CEP43: variants seen among roughly 807,000 people sequenced by gnomAD.
The protein encoded by CEP43 is centrosomal protein 43, also known as FGFR1 oncogene partner.
In CEP43, 36 loss-of-function variants were observed where a neutral mutation model predicts 52.6. That is an observed-to-expected ratio of 0.68 (90% CI 0.52 to 0.90). The LOEUF (loss-of-function observed/expected upper bound fraction) is 0.90, where lower values mean the gene tolerates loss of function less well. Among genes scored for constraint, CEP43 ranks in the 40% least tolerant of loss-of-function variants. CEP43 has a pLI of 0.00. For synonymous variants in CEP43, 192 were observed against 172.4 expected (o/e 1.11, Z -0.89); for missense variants, 506 against 472.8 (o/e 1.07, Z -0.65).
intron 5 of CEP43, among the ~76,000 whole-genome samples, chr6:167,009,084 G>A (rs898057411): frequency 6.7e-6 from 1 of 149,598 alleles, no homozygotes; most frequent in Non-Finnish European, 1.5e-5. Context: ...GTGAAACCCC[G>A]TCTCTATTAA....
intron 3 of CEP43, 79 bp from the exon 4 acceptor site, chr6:167,003,644 T>C: frequency 1.3e-6 from 1 of 785,708 alleles, no homozygotes; most frequent in Non-Finnish European, 2.1e-6. Flanking sequence ...ATTAATTTAG[T>C]GTATCTATTT....
intron 7 of CEP43, among the ~76,000 whole-genome samples, chr6:167,020,870 C>G (rs945311104): frequency 6.9e-6 from 1 of 144,200 alleles, no homozygotes. Context: ...GATTGCCCCA[C>G]TGCACTCCAG....
Position 167,033,159 on chromosome 6 carries a change from G to A in CEP43, c.1028+517G>A, listed in dbSNP as rs1177467352. ...AGAGTCTCACTCTGTTGCCCACGCT[G>A]GAGTGCAGTGGTGCGATCTGGGCTC... On this transcript the variant is annotated intron_variant, in intron 11 of 12. Coordinates refer to ENST00000366847, the MANE Select transcript of CEP43 (RefSeq NM_007045.4). 2.3e-5 allele frequency among the ~76,000 whole-genome samples: 3 copies of A among 129,570 alleles called. No homozygotes were observed. The East Asian group carries it at 7.2e-4, about 31-fold the overall frequency. The allele number at this position is 129,570 out of a possible 152,430, so 85.0% of individuals were successfully genotyped here.
rs1034595829 is a variant in CEP43 at position 167,046,454 on chromosome 6, G to A, written c.*6476G>A. On this transcript the variant is annotated 3_prime_UTR_variant, in exon 13 of 13. Coordinates refer to ENST00000366847, the MANE Select transcript of CEP43 (RefSeq NM_007045.4). ...TGTTCCTGCAAACCTAAACCTCTTT[G>A]TAGTAAGTTCTGGCAGAAGGTGTGT... 7 of 152,238 alleles carry A rather than the reference G, an allele frequency of 4.6e-5. No homozygotes were observed. Among genetic ancestry groups the A allele is most frequent in the Admixed American group, 2.6e-4 (4 of 15,282 alleles). The allele number at this position is 152,238 out of a possible 1,614,324, so 9.4% of individuals were successfully genotyped here.
intron 6 of CEP43, among the ~76,000 whole-genome samples, chr6:167,012,785 G>C (rs979435240): frequency 3.3e-5 from 5 of 152,110 alleles, no homozygotes; most frequent in Admixed American, 1.3e-4. Flanking sequence ...TCCAGAGAAG[G>C]GGGGACTGTC....
Position 167,041,893 on chromosome 6 carries a change from G to C in CEP43, c.*1915G>C, listed in dbSNP as rs562534895. 2 of 767,970 alleles carry C rather than the reference G, an allele frequency of 2.6e-6. No homozygotes were observed. Among genetic ancestry groups the C allele is most frequent in the Non-Finnish European group, 3.2e-6 (2 of 624,230 alleles). The allele number at this position is 767,970 out of a possible 1,614,324, so 47.6% of individuals were successfully genotyped here. A position where few individuals can be genotyped will look rare whatever the true frequency, so the allele number is the denominator to read the frequency against. ...GACTGGAGTACAGTGATGCGATCTC[G>C]GCTCACTGCAACCTCCGCCTCCTGG... On this transcript the variant is annotated 3_prime_UTR_variant, in exon 13 of 13. Transcript: ENST00000366847.
intron 1 of CEP43, 179 bp from the exon 2 acceptor site, chr6:166,999,881 A>C (rs1272891788): frequency 3.4e-6 from 2 of 582,080 alleles, no homozygotes; most frequent in Non-Finnish European, 6.1e-6. Context: ...CAGCGCGTCC[A>C]GCCGAAGCCT....
In CEP43 at chr6:167,013,489, A is replaced by G; in HGVS notation, c.520-19A>G. 3 of 1,600,404 alleles carry G rather than the reference A, an allele frequency of 1.9e-6. No individual in the cohort carries two copies. The highest frequency in any genetic ancestry group is 1.1e-5 in the South Asian group (1 of 89,826). ...GATTTCTATTTTGTGGTAAAATCTC[A>G]TTTTATTCTCATGCTCAGATACCAA... On this transcript the variant is annotated intron_variant, in intron 6 of 12. Coordinates refer to ENST00000366847, the MANE Select transcript of CEP43 (RefSeq NM_007045.4).
rs13208636 is a variant in CEP43, at chr6:167,048,477, T to G, written c.*8499T>G. 58,400 of 151,994 alleles carry G rather than the reference T, an allele frequency of 0.38. 11,294 individuals carry two copies. The highest frequency in any genetic ancestry group is 0.45 in the Middle Eastern group (131 of 294). 9.4% of individuals were successfully genotyped at this position (151,994 alleles called of 1,614,324 possible). On this transcript the variant is annotated 3_prime_UTR_variant, in exon 13 of 13. Transcript: ENST00000366847. ...GTTTGCTTGAGCCGGGGAGGTCGAG[T>G]CTGCAGTGAACTGAGATTGCATCAC...
At chr6:167,006,510 C>CA (rs1241445368) in intron 5 of CEP43, among the ~76,000 whole-genome samples, 6 of 148,358 alleles carry the variant, frequency 4.0e-5, no homozygotes, top group Non-Finnish European at 7.4e-5. Context: ...GACTCCATCT[C>CA]AAAAAAAAGA....
chr6:167,029,164 A>G (rs1052649236), intron 10 of CEP43, among the ~76,000 whole-genome samples: 2 of 152,352 alleles, frequency 1.3e-5, no homozygotes, highest in Middle Eastern at 3.4e-3. Flanking sequence ...GCCAGAGGCA[A>G]GAATGAAAGT....
rs530459327 is a variant in CEP43, at chr6:167,040,055, C to G, written c.*77C>G. ...CATTTTTTTTTTTTCCAGACAATCA[C>G]TCAGCTGGAATGTCTGCTCTCTATT... On this transcript the variant is annotated 3_prime_UTR_variant, in exon 13 of 13. Coordinates refer to ENST00000366847, the MANE Select transcript of CEP43 (RefSeq NM_007045.4). The G allele has an allele frequency of 1.6e-4, 250 of 1,609,566 alleles. No homozygotes were observed. The African/African-American group carries it at 2.4e-3, about 15-fold the overall frequency.
intron 12 of CEP43, among the ~76,000 whole-genome samples, chr6:167,038,186 G>C (rs547631895): frequency 5.9e-5 from 9 of 152,266 alleles, no homozygotes; most frequent in African/African-American, 2.2e-4. Flanking sequence ...TGGTTAATAG[G>C]TTAACTTTCT....
At chr6:167,009,499 C>CAAAAAAAAA (rs139374939) in intron 5 of CEP43, among the ~76,000 whole-genome samples, 7 of 44,150 alleles carry the variant, frequency 1.6e-4, no homozygotes, top group African/African-American at 5.6e-4. Flanking sequence ...GACTCTGTCT[C>CAAAAAAAAA]AAAAAAAAAA....
Position 167,040,567 on chromosome 6 carries a change from T to G in CEP43, c.*589T>G, listed in dbSNP as rs983563363. The G allele has an allele frequency of 8.3e-5, 89 of 1,067,612 alleles. No individual in the cohort carries two copies. Among genetic ancestry groups the G allele is most frequent in the Non-Finnish European group, 9.7e-5 (85 of 878,140 alleles). 66.1% of individuals were successfully genotyped at this position (1,067,612 alleles called of 1,614,324 possible). ...CCATTAAGGTTATATTAAAGTACTC[T>G]TGTGTGTGCTATTTAGTTTTGCTTG... On this transcript the variant is annotated 3_prime_UTR_variant, in exon 13 of 13. Transcript: ENST00000366847.
At chr6:167,032,548 G>A (rs1016085158) in intron 10 of CEP43, 55 bp from the exon 11 acceptor site, 1 of 1,458,408 alleles carries the variant, frequency 6.9e-7, no homozygotes, top group Admixed American at 2.2e-5. Flanking sequence ...GTGTTTAATG[G>A]TAGGTAAATT....
In CEP43 at chr6:167,040,079, T is replaced by C; in HGVS notation, c.*101T>C. On this transcript the variant is annotated 3_prime_UTR_variant, in exon 13 of 13. Transcript: ENST00000366847. ...ACTCAGCTGGAATGTCTGCTCTCTA[T>C]TGGTGCCTTGCATTTCAAAAACACT... 6.2e-7 allele frequency: 1 copy of C among 1,610,912 alleles called. No individual in the cohort carries two copies. The highest frequency in any genetic ancestry group is 1.1e-5 in the South Asian group (1 of 90,954).
chr6:167,017,097 G>A (rs1318053415), intron 7 of CEP43, among the ~76,000 whole-genome samples: 5 of 151,512 alleles, frequency 3.3e-5, no homozygotes, highest in African/African-American at 4.9e-5. Context: ...CCGGGTTCAC[G>A]GGAGGCTCCT....
chr6:167,041,724 T>C lies in CEP43; in HGVS notation c.*1746T>C, dbSNP rs750186521. ...AACAGTAGCAACTGAAATTTGTCAC[T>C]TTTCTGTTACGCAGAGAATCAGACC... On this transcript the variant is annotated 3_prime_UTR_variant, in exon 13 of 13. Coordinates refer to ENST00000366847, the MANE Select transcript of CEP43 (RefSeq NM_007045.4). The C allele has an allele frequency of 4.4e-5, 45 of 1,034,178 alleles. No homozygotes were observed. Among genetic ancestry groups the C allele is most frequent in the African/African-American group, 1.5e-4 (9 of 59,292 alleles). The allele number at this position is 1,034,178 out of a possible 1,614,324, so 64.1% of individuals were successfully genotyped here. A position where few individuals can be genotyped will look rare whatever the true frequency, so the allele number is the denominator to read the frequency against.
Sources: allele counts gnomAD v4.1 joint callset (sites outside exome capture counted in the v4.1 genomes callset), GRCh38; gene constraint gnomAD v4.1.1; transcripts MANE v1.5; gene names NCBI Gene and HGNC (gene_info 2026-07-23, HGNC 2026-07-21).